Variants in USP38 observed in about 807,000 individuals in gnomAD.
The protein encoded by USP38 is ubiquitin specific peptidase 38, also known as ubiquitin carboxyl-terminal hydrolase 38.
A neutral mutation model predicts 94.3 loss-of-function variants in USP38; 49 were observed. The ratio of observed to expected loss-of-function variants is 0.52; its 90% CI spans 0.41 to 0.66. The LOEUF (loss-of-function observed/expected upper bound fraction) is 0.66, where lower values mean the gene tolerates loss of function less well. Among genes scored for constraint, USP38 ranks in the 30% least tolerant of loss-of-function variants. The pLI is 0.00. For missense variants in USP38, 1,128 were observed against 1,229.4 expected (o/e 0.92, Z 1.23); for synonymous variants, 468 against 463.6 (o/e 1.01, Z -0.12).
chr4:143,190,939 C>G (rs1207825612), intron 2 of USP38, among the ~76,000 whole-genome samples: 1 of 151,984 alleles, frequency 6.6e-6, no homozygotes, highest in Non-Finnish European at 1.5e-5. Flanking sequence ...GTTATAGTAC[C>G]CAATTTAGGA....
At chr4:143,190,825 C>T (rs914675374) in intron 2 of USP38, among the ~76,000 whole-genome samples, 1 of 152,048 alleles carries the variant, frequency 6.6e-6, no homozygotes, top group African/African-American at 2.4e-5. Context: ...TGATTTTTCT[C>T]TTCTAATTAA....
At chr4:143,193,709 A>G (rs1267902704) in intron 2 of USP38, among the ~76,000 whole-genome samples, 1 of 152,234 alleles carries the variant, frequency 6.6e-6, no homozygotes, top group East Asian at 1.9e-4. Context: ...TTTAAAAGCA[A>G]AAACCTTAAT....
At position 143,188,301 on chromosome 4, in the gene USP38, C is replaced by G. The variant is rs916955369; in HGVS notation, c.818+340C>G. The stretch of plus-strand genomic sequence containing the variant: ...CTTTCTTCTGCGTTTTTTTTTCTTT[C>G]TTCCTTAGTAAGTATATACTTTACT... On this transcript the variant is annotated intron_variant, in intron 2 of 9. Transcript: ENST00000307017. Among the ~76,000 whole-genome samples, 12 of 150,518 alleles carry G rather than the reference C, an allele frequency of 8.0e-5. No homozygotes were observed. The South Asian group carries it at 2.3e-3, about 29-fold the overall frequency.
At position 143,214,205 on chromosome 4, in the gene USP38, C is replaced by T. The variant is rs1581168530; in HGVS notation, c.2229C>T (p.Ala743=). 1 of 1,613,604 alleles carries T rather than the reference C, an allele frequency of 6.2e-7. No homozygotes were observed. Among genetic ancestry groups the T allele is most frequent in the Admixed American group, 1.7e-5 (1 of 59,920 alleles). ...ACCAATATTATTGTGAAAACTGTGCCTCTCTGCAAAATGCTGAGAAAACTA... is the reference window on the plus strand; with the variant it reads ...ACCAATATTATTGTGAAAACTGTGCTTCTCTGCAAAATGCTGAGAAAACTA... ...GDNQYYCENC[A]SLQNAEKTMQ... is the part of the protein sequence containing the mutation. The change falls in exon 9 of 10, where the codon GCC becomes GCT. Residue 743 remains alanine, a synonymous_variant. Coordinates refer to ENST00000307017, the MANE Select transcript of USP38 (RefSeq NM_032557.6).
chr4:143,195,797 C>A lies in USP38; in HGVS notation c.900C>A (p.Val300=). 4.3e-6 allele frequency: 7 copies of A among 1,613,308 alleles called. No homozygotes were observed. Among genetic ancestry groups the A allele is most frequent in the Non-Finnish European group, 5.9e-6 (7 of 1,179,678 alleles). The part of the protein sequence containing the change: ...VIALLKGLAA[V]QKFTILIDVT... ...CACTCCTGAAAGGACTGGCAGCTGT[C>A]CAGAAGTTTACTATTTTGATAGATG... Residue 300 remains valine, a synonymous_variant, in exon 3 of 10, where the codon GTC becomes GTA. Coordinates refer to ENST00000307017, the MANE Select transcript of USP38 (RefSeq NM_032557.6).
intron 2 of USP38, among the ~76,000 whole-genome samples, chr4:143,190,827 T>G (rs991941772): frequency 1.3e-5 from 2 of 152,236 alleles, no homozygotes; most frequent in African/African-American, 2.4e-5. Context: ...ATTTTTCTCT[T>G]CTAATTAAGA....
In USP38 at chr4:143,185,398, G is replaced by A; in HGVS notation, c.-53G>A. 1 of 1,518,008 alleles carries A rather than the reference G, an allele frequency of 6.6e-7. No individual in the cohort carries two copies. 94.0% of individuals were successfully genotyped at this position (1,518,008 alleles called of 1,614,324 possible). On this transcript the variant is annotated 5_prime_UTR_variant, in exon 1 of 10. Transcript: ENST00000307017. Reference sequence around the variant, plus strand: ...CGGGGCTCTCCTGCCCCACCTCGGGGCTGCCGCCACCCGCTCCTTATCCCC... The same window carrying A: ...CGGGGCTCTCCTGCCCCACCTCGGGACTGCCGCCACCCGCTCCTTATCCCC...
At chr4:143,217,988 A>T (rs1200089095) in intron 9 of USP38, among the ~76,000 whole-genome samples, 1 of 152,118 alleles carries the variant, frequency 6.6e-6, no homozygotes, top group Non-Finnish European at 1.5e-5. Context: ...GAATATAAAA[A>T]CTAAGCCTTT....
At chr4:143,211,530 C>A (rs1186964991) in intron 7 of USP38, among the ~76,000 whole-genome samples, 1 of 152,136 alleles carries the variant, frequency 6.6e-6, no homozygotes, top group Non-Finnish European at 1.5e-5. Flanking sequence ...GTAGGCTAAA[C>A]TTCCTTCCTT....
intron 5 of USP38, chr4:143,204,633 C>T (rs1331375510): frequency 9.7e-6 from 3 of 309,562 alleles, no homozygotes; most frequent in African/African-American, 6.8e-5. Context: ...AAGTGATCCT[C>T]ATCCTCCCAA....
chr4:143,213,773 T>C lies in USP38; in HGVS notation c.1797T>C (p.Arg599=), dbSNP rs1226618358. ...MFGGKLRTHI[R]CLNCRSTSQK... Reference sequence around the variant, plus strand: ...GAGGAAAACTACGAACTCACATACGTTGTTTGAACTGCAGGAGTACCTCAC... The same window carrying C: ...GAGGAAAACTACGAACTCACATACGCTGTTTGAACTGCAGGAGTACCTCAC... Residue 599 remains arginine, a synonymous_variant, in exon 9 of 10, where the codon CGT becomes CGC. Coordinates refer to ENST00000307017, the MANE Select transcript of USP38 (RefSeq NM_032557.6). The C allele has an allele frequency of 1.9e-6, 3 of 1,613,794 alleles. No individual in the cohort carries two copies. The South Asian group carries it at 3.3e-5, about 18-fold the overall frequency.
chr4:143,202,012 G>T (rs938124550), intron 4 of USP38, among the ~76,000 whole-genome samples: 3 of 152,054 alleles, frequency 2.0e-5, no homozygotes, highest in Non-Finnish European at 4.4e-5. Context: ...GACAGATTTG[G>T]AATTATAAAT....
chr4:143,197,807 T>C lies in USP38; in HGVS notation c.949-16T>C, dbSNP rs761484807. On this transcript the variant is annotated splice_polypyrimidine_tract_variant and intron_variant, in intron 3 of 9. Transcript: ENST00000307017. ...TCCTGCAAATTCTTAAGAAGGTGTC[T>C]TGTCTTATTTTGAAGGTTTTTAATC... is the stretch of plus-strand genomic sequence containing the variant. 6.3e-7 allele frequency: 1 copy of C among 1,582,916 alleles called. No individual in the cohort carries two copies. The highest frequency in any genetic ancestry group is 1.1e-5 in the South Asian group (1 of 88,758).
intron 2 of USP38, among the ~76,000 whole-genome samples, chr4:143,189,339 ACCTG>A (rs1731327911): frequency 1.3e-5 from 2 of 152,038 alleles, no homozygotes; most frequent in Non-Finnish European, 2.9e-5. Flanking sequence ...CTTATTTAAT[ACCTG>A]CCTGTTTTTG....
chr4:143,187,953 C>G lies in USP38; in HGVS notation c.810C>G (p.Ala270=). The G allele has an allele frequency of 6.2e-7, 1 of 1,610,538 alleles. No individual in the cohort carries two copies. Among genetic ancestry groups the G allele is most frequent in the African/African-American group, 1.3e-5 (1 of 74,850 alleles). Residue 270 remains alanine (A), a synonymous_variant, in exon 2 of 10, where the codon GCC becomes GCG. Transcript: ENST00000307017. ...PNVKDASMTQ[A]LCRMIDWLSW... is the part of the protein sequence containing the mutation. The stretch of plus-strand genomic sequence containing the variant: ...TAAAAGATGCAAGTATGACCCAAGC[C>G]CTTTGCAGGTACTTCTTCATGACAC...
Position 143,187,972 on chromosome 4 carries a change from A to G in USP38, c.818+11A>G, listed in dbSNP as rs1731277633. On this transcript the variant is annotated intron_variant, in intron 2 of 9. Transcript: ENST00000307017. ...CCAAGCCCTTTGCAGGTACTTCTTC[A>G]TGACACTATTAATGGTAATTGTAGA... The G allele has an allele frequency of 1.9e-6, 3 of 1,606,112 alleles. No homozygotes were observed. The highest frequency in any genetic ancestry group is 2.5e-6 in the Non-Finnish European group (3 of 1,177,644).
chr4:143,208,941 A>AT (rs1731947825), intron 6 of USP38, among the ~76,000 whole-genome samples: 2 of 136,540 alleles, frequency 1.5e-5, no homozygotes, highest in Non-Finnish European at 3.2e-5. Flanking sequence ...ATGTAACTTC[A>AT]TTTTTTACCG....
At position 143,213,609 on chromosome 4, in the gene USP38, G is replaced by T. The variant is rs1286650324; in HGVS notation, c.1633G>T (p.Val545Phe). ...RLHEEEKILK[V>F]QASHKPSEIL... is the part of the protein sequence containing the mutation. The stretch of plus-strand genomic sequence containing the variant: ...CCATGAAGAAGAAAAGATCTTGAAA[G>T]TTCAGGCCTCACACAAGCCTTCTGA... Residue 545 changes from valine (V) to phenylalanine (F), a missense_variant, in exon 9 of 10, where the codon GTT becomes TTT. Val to Phe is a conservative substitution (Grantham distance 50). Transcript: ENST00000307017. 1.9e-6 allele frequency: 3 copies of T among 1,610,730 alleles called. No homozygotes were observed. The highest frequency in any genetic ancestry group is 2.5e-6 in the Non-Finnish European group (3 of 1,178,872).
At chr4:143,192,888 G>T (rs2149604975) in intron 2 of USP38, among the ~76,000 whole-genome samples, 1 of 152,296 alleles carries the variant, frequency 6.6e-6, no homozygotes, top group East Asian at 1.9e-4. Flanking sequence ...AAGCTTTTGA[G>T]ATGGAAAGGC....
Sources: allele counts gnomAD v4.1 joint callset (sites outside exome capture counted in the v4.1 genomes callset), GRCh38; gene constraint gnomAD v4.1.1; transcripts MANE v1.5; gene names NCBI Gene and HGNC (gene_info 2026-07-23, HGNC 2026-07-21).